Variants in CDH12 observed in about 807,000 individuals in gnomAD.
The protein encoded by CDH12 is cadherin 12, also known as cadherin-12.
Under a neutral mutation model 74.1 loss-of-function variants are expected in CDH12, and 41 were observed. The ratio of observed to expected loss-of-function variants is 0.55; its 90% CI spans 0.43 to 0.72. The LOEUF (loss-of-function observed/expected upper bound fraction) is 0.72, where lower values mean the gene tolerates loss of function less well. Ranked by LOEUF, CDH12 falls within the 30% of genes least tolerant of loss-of-function variation. CDH12 has a pLI of 0.00. For missense variants in CDH12, 945 were observed against 977.2 expected, an observed-to-expected ratio of 0.97 and a Z score of 0.44; for synonymous variants, 399 against 355.0, an observed-to-expected ratio of 1.12 and a Z score of -1.39.
At chr5:21,949,164 T>C (rs1249262810) in intron 6 of CDH12, among the ~76,000 whole-genome samples, 1 of 152,170 alleles carries the variant, frequency 6.6e-6, no homozygotes, top group African/African-American at 2.4e-5. Flanking sequence ...CTATACCATA[T>C]TTTTTATTGT....
intron 4 of CDH12, among the ~76,000 whole-genome samples, chr5:22,084,656 C>T (rs1381635368): frequency 1.3e-5 from 2 of 152,100 alleles, no homozygotes; most frequent in African/African-American, 4.8e-5. Flanking sequence ...CACTACAGTC[C>T]TTCAGTGAAC....
chr5:22,280,185 G>T (rs539366458), intron 3 of CDH12, among the ~76,000 whole-genome samples: 7 of 152,242 alleles, frequency 4.6e-5, no homozygotes, highest in African/African-American at 7.2e-5. Context: ...CTTTTCAGAA[G>T]TGTCTATTCA....
chr5:22,608,423 C>T lies in CDH12; in HGVS notation c.-522-103059G>A, dbSNP rs757358781. On this transcript the variant is annotated intron_variant, in intron 1 of 14. Transcript: ENST00000382254. ...AGGTGCATTTACCCAATGCCTGTACCCTGTTGTATCTAGGAAGTAACTAAC... is the reference window on the plus strand; with the variant it reads ...AGGTGCATTTACCCAATGCCTGTACTCTGTTGTATCTAGGAAGTAACTAAC... Among the ~76,000 whole-genome samples, 19 of 152,058 alleles carry T rather than the reference C, an allele frequency of 1.2e-4. 1 individual carries two copies. Among genetic ancestry groups the T allele is most frequent in the South Asian group, 8.3e-4 (4 of 4,820 alleles).
intron 11 of CDH12, among the ~76,000 whole-genome samples, chr5:21,768,326 C>T (rs1745137985): frequency 1.3e-5 from 2 of 151,794 alleles, no homozygotes; most frequent in South Asian, 4.1e-4. Flanking sequence ...CTTCCTCTCT[C>T]TATCTTTCAA....
chr5:22,399,717 G>T (rs1580608125), intron 3 of CDH12, among the ~76,000 whole-genome samples: 1 of 151,724 alleles, frequency 6.6e-6, no homozygotes, highest in Non-Finnish European at 1.5e-5. Flanking sequence ...TGATGGCCTT[G>T]TGTTTCCCGC....
chr5:21,883,872 A>C, intron 6 of CDH12: 1 of 1,607,024 alleles, frequency 6.2e-7, no homozygotes. Flanking sequence ...CCTTAATGCT[A>C]CAAGAGCTGC....
chr5:22,384,411 AGCTACTCGGGAG>A lies in CDH12; in HGVS notation c.-333+20834_-333+20845del, dbSNP rs1204822388. On this transcript the variant is annotated intron_variant, in intron 3 of 14. Transcript: ENST00000382254. ...CGTGATGGTGGGCGCCTGTAGTCCC[AGCTACTCGGGAG>A]GCTGAGGCAGGAGAATGGCGTGAAC... Among the ~76,000 whole-genome samples the A allele has an allele frequency of 3.3e-5, 5 of 150,162 alleles. No homozygotes were observed. The East Asian group carries it at 9.9e-4, about 30-fold the overall frequency.
intron 12 of CDH12, among the ~76,000 whole-genome samples, chr5:21,764,479 C>G (rs377221731): frequency 3.3e-5 from 5 of 151,398 alleles, no homozygotes; most frequent in Middle Eastern, 6.9e-3. Context: ...GACACCCCAT[C>G]TCTATTAAAA....
At chr5:22,813,070 G>A (rs903662526) in intron 1 of CDH12, among the ~76,000 whole-genome samples, 9 of 152,076 alleles carry the variant, frequency 5.9e-5, no homozygotes, top group African/African-American at 2.2e-4. Flanking sequence ...TATAAATTCA[G>A]GAGTAGGTCC....
chr5:22,235,823 T>C (rs551124980), intron 3 of CDH12, among the ~76,000 whole-genome samples: 1 of 152,314 alleles, frequency 6.6e-6, no homozygotes, highest in South Asian at 2.1e-4. Flanking sequence ...TCTGAGAACT[T>C]CATCGTTAGG....
In CDH12 at chr5:22,564,476, CATT is replaced by C. The variant is rs749303617; in HGVS notation, c.-522-59115_-522-59113del. 3.9e-5 allele frequency among the ~76,000 whole-genome samples: 6 copies of C among 152,290 alleles called. No individual in the cohort carries two copies. In the South Asian group the frequency reaches 8.3e-4, roughly 21 times the overall value. On this transcript the variant is annotated intron_variant, in intron 1 of 14. Coordinates refer to ENST00000382254, the MANE Select transcript of CDH12 (RefSeq NM_004061.5). ...ATTTTTAATATTTGATATTACCAAA[CATT>C]ATTATTGTTCTTATCTGATTTGTAA...
intron 6 of CDH12, among the ~76,000 whole-genome samples, chr5:21,880,616 C>CTTCTTTCTCTCTCTCT (rs1752257861): frequency 5.9e-5 from 3 of 50,810 alleles, no homozygotes; most frequent in African/African-American, 2.6e-4. Flanking sequence ...TCCTTCCTTC[C>CTTCTTTCTCTCTCTCT]TTCTTTCTTT....
At chr5:22,668,012 A>C (rs1740707457) in intron 1 of CDH12, among the ~76,000 whole-genome samples, 1 of 152,242 alleles carries the variant, frequency 6.6e-6, no homozygotes, top group African/African-American at 2.4e-5. Context: ...TCCTCAAATC[A>C]TCCATGATTT....
At chr5:22,384,920 C>G (rs2126397782) in intron 3 of CDH12, among the ~76,000 whole-genome samples, 1 of 152,190 alleles carries the variant, frequency 6.6e-6, no homozygotes, top group African/African-American at 2.4e-5. Context: ...CATTTGTTCT[C>G]TAGGGTCCAT....
intron 6 of CDH12, among the ~76,000 whole-genome samples, chr5:21,973,789 G>A (rs893498748): frequency 3.3e-5 from 5 of 152,080 alleles, no homozygotes; most frequent in African/African-American, 1.2e-4. Context: ...TCAAGACACC[G>A]TTAAAATGTA....
intron 2 of CDH12, among the ~76,000 whole-genome samples, chr5:22,443,956 C>T (rs1261243): frequency 0.46 from 69,159 of 151,626 alleles, 16,172 homozygotes; most frequent in Admixed American, 0.63. Flanking sequence ...GATTTTGACG[C>T]GTACAAGGAA....
At chr5:22,284,128 AT>A (rs1288207439) in intron 3 of CDH12, among the ~76,000 whole-genome samples, 6 of 152,312 alleles carry the variant, frequency 3.9e-5, no homozygotes, top group African/African-American at 1.2e-4. Flanking sequence ...GAGTATAAAA[AT>A]ATTCTCTCTT....
intron 13 of CDH12, among the ~76,000 whole-genome samples, chr5:21,756,115 A>C (rs775967970): frequency 9.2e-5 from 14 of 152,086 alleles, no homozygotes; most frequent in Non-Finnish European, 1.9e-4. Flanking sequence ...TGTTAAATTG[A>C]TCAATTTTTT....
intron 9 of CDH12, among the ~76,000 whole-genome samples, chr5:21,807,046 A>G (rs1157063729): frequency 2.6e-5 from 4 of 152,162 alleles, no homozygotes; most frequent in Non-Finnish European, 5.9e-5. Flanking sequence ...ATGTGAACAG[A>G]GGTCACAAGA....
Sources: gnomAD v4.1 joint callset for allele counts (sites outside exome capture counted in the v4.1 genomes callset) on GRCh38, gnomAD v4.1.1 for gene constraint, MANE v1.5 for transcripts, NCBI Gene and HGNC (gene_info 2026-07-23, HGNC 2026-07-21) for gene names.